TDRD3: variants seen among roughly 807,000 people sequenced by gnomAD.
TDRD3 encodes tudor domain-containing protein 3.
Under a neutral mutation model 86.7 loss-of-function variants are expected in TDRD3, and 45 were observed. The ratio of observed to expected loss-of-function variants is 0.52; its 90% CI spans 0.41 to 0.67. The LOEUF is 0.67. TDRD3 is among the 30% of genes least tolerant of loss of function. TDRD3 has a pLI of 0.00. For synonymous variants in TDRD3, 298 were observed against 301.7 expected, an observed-to-expected ratio of 0.99 and a Z score of 0.13; for missense variants, 814 against 889.0, an observed-to-expected ratio of 0.92 and a Z score of 1.07.
chr13:60,413,505 C>T (rs1172310965), intron 1 of TDRD3, among the ~76,000 whole-genome samples: 1 of 152,152 alleles, frequency 6.6e-6, no homozygotes. Context: ...ATTATACCTA[C>T]TTCATAGTAT....
At chr13:60,483,649 A>C in intron 5 of TDRD3, 126 bp from the exon 6 acceptor site, 5 of 744,630 alleles carry the variant, frequency 6.7e-6, no homozygotes, top group Non-Finnish European at 1.0e-5. Flanking sequence ...TACTTCATGG[A>C]AGGCCTTTTT....
chr13:60,475,622 C>T (rs891224193), intron 5 of TDRD3, among the ~76,000 whole-genome samples: 17 of 152,310 alleles, frequency 1.1e-4, no homozygotes, highest in African/African-American at 3.8e-4. Flanking sequence ...AATCTCCGAA[C>T]TGTTTTCCAC....
intron 3 of TDRD3, among the ~76,000 whole-genome samples, chr13:60,445,600 C>G (rs769554768): frequency 4.6e-5 from 7 of 152,156 alleles, no homozygotes; most frequent in Non-Finnish European, 7.3e-5. Context: ...CTCAAACAAC[C>G]TCTACTCCCA....
intron 10 of TDRD3, 38 bp downstream of exon 10, chr13:60,510,793 C>CT: frequency 1.5e-6 from 2 of 1,331,664 alleles, no homozygotes; most frequent in African/African-American, 1.6e-5. Context: ...TTTTTTCTTT[C>CT]TTTTCTTTCT....
chr13:60,490,572 A>ATAACCTCAGC (rs1282110444), intron 7 of TDRD3, among the ~76,000 whole-genome samples: 1 of 152,234 alleles, frequency 6.6e-6, no homozygotes, highest in African/African-American at 2.4e-5. Context: ...GAGCACAGCA[A>ATAACCTCAGC]TAACCTCAGC....
chr13:60,403,952 C>T (rs1954166666), intron 1 of TDRD3, among the ~76,000 whole-genome samples: 1 of 152,182 alleles, frequency 6.6e-6, no homozygotes, highest in African/African-American at 2.4e-5. Flanking sequence ...ATTTATACCT[C>T]CTGTACACAA....
chr13:60,523,168 A>C lies in TDRD3; in HGVS notation c.1142-5199A>C, dbSNP rs1215771831. ...CTTCAGGTAGGTGTATCAGAATAAA[A>C]TGAGGATTAGTCTTGGGAAACAAAT... is the stretch of plus-strand genomic sequence containing the variant. On this transcript the variant is annotated intron_variant, in intron 10 of 13. Transcript: ENST00000377881. Among the ~76,000 whole-genome samples the C allele has an allele frequency of 5.9e-5, 9 of 152,316 alleles. No individual in the cohort carries two copies. The South Asian group carries it at 8.3e-4, about 14-fold the overall frequency.
At chr13:60,546,121 G>T (rs1180505819) in intron 12 of TDRD3, among the ~76,000 whole-genome samples, 3 of 152,102 alleles carry the variant, frequency 2.0e-5, no homozygotes, top group African/African-American at 4.8e-5. Flanking sequence ...GACATACCTG[G>T]TTGATCTTTT....
chr13:60,561,604 A>T (rs1002227365), intron 12 of TDRD3, among the ~76,000 whole-genome samples: 3 of 152,154 alleles, frequency 2.0e-5, no homozygotes, highest in African/African-American at 7.2e-5. Context: ...AATAAATAAT[A>T]AAAAAATATA....
At chr13:60,475,932 G>A (rs1956177270) in intron 5 of TDRD3, among the ~76,000 whole-genome samples, 1 of 152,104 alleles carries the variant, frequency 6.6e-6, no homozygotes, top group Admixed American at 6.6e-5. Context: ...ATAGATTCGG[G>A]ATAGTAGACC....
chr13:60,561,237 T>G (rs1054296269), intron 12 of TDRD3, among the ~76,000 whole-genome samples: 1 of 152,152 alleles, frequency 6.6e-6, no homozygotes, highest in Non-Finnish European at 1.5e-5. Flanking sequence ...GACATTTAAT[T>G]TATAGGAGTC....
intron 1 of TDRD3, among the ~76,000 whole-genome samples, chr13:60,414,862 A>G (rs1377588256): frequency 3.3e-5 from 5 of 152,086 alleles, no homozygotes; most frequent in Non-Finnish European, 1.5e-5. Flanking sequence ...TGGATTCTGT[A>G]GAATACCTAG....
At chr13:60,518,238 C>G (rs903219922) in intron 10 of TDRD3, among the ~76,000 whole-genome samples, 4 of 152,124 alleles carry the variant, frequency 2.6e-5, no homozygotes, top group Non-Finnish European at 5.9e-5. Flanking sequence ...GTAAGTGCTC[C>G]CAGCCCTGGC....
intron 10 of TDRD3, among the ~76,000 whole-genome samples, chr13:60,527,497 CACAT>C (rs1226310741): frequency 1.3e-5 from 2 of 152,124 alleles, no homozygotes; most frequent in Admixed American, 1.3e-4. Flanking sequence ...GGAAACAAGA[CACAT>C]ACACCAAAGA....
intron 11 of TDRD3, among the ~76,000 whole-genome samples, chr13:60,529,721 G>C (rs940270450): frequency 6.6e-6 from 1 of 151,418 alleles, no homozygotes; most frequent in African/African-American, 2.4e-5. Context: ...ATTGCTTCTC[G>C]GCCTTTTGGC....
Position 60,450,945 on chromosome 13 carries a change from C to T in TDRD3, c.192+6197C>T, listed in dbSNP as rs111529814. Among the ~76,000 whole-genome samples, 77 of 152,122 alleles carry T rather than the reference C, an allele frequency of 5.1e-4. 1 individual carries two copies. The highest frequency in any genetic ancestry group is 1.7e-3 in the African/African-American group (70 of 41,516). On this transcript the variant is annotated intron_variant, in intron 3 of 13. Coordinates refer to ENST00000377881, the MANE Select transcript of TDRD3 (RefSeq NM_001146070.2). Reference sequence around the variant, plus strand: ...TTTAAAATCTTAGGTTATAGCTCTACGGTACATACACACATACACACACAG... The same window carrying T: ...TTTAAAATCTTAGGTTATAGCTCTATGGTACATACACACATACACACACAG...
At chr13:60,475,681 C>T (rs1284617580) in intron 5 of TDRD3, among the ~76,000 whole-genome samples, 1 of 152,162 alleles carries the variant, frequency 6.6e-6, no homozygotes, top group African/African-American at 2.4e-5. Context: ...GTGTATTTTC[C>T]TTTCTTGGCA....
intron 3 of TDRD3, among the ~76,000 whole-genome samples, chr13:60,448,969 A>AT: frequency 6.6e-6 from 1 of 152,148 alleles, no homozygotes; most frequent in South Asian, 2.1e-4. Flanking sequence ...TTCTGTGTTT[A>AT]TTTTTTCTAA....
intron 12 of TDRD3, among the ~76,000 whole-genome samples, chr13:60,546,997 A>G (rs1957954220): frequency 6.6e-6 from 1 of 152,196 alleles, no homozygotes; most frequent in Non-Finnish European, 1.5e-5. Context: ...AGATGTCTTA[A>G]TATTTTTAAT....
Sources: gnomAD v4.1 joint callset for allele counts (sites outside exome capture counted in the v4.1 genomes callset) on GRCh38, gnomAD v4.1.1 for gene constraint, MANE v1.5 for transcripts, NCBI Gene and HGNC (gene_info 2026-07-23, HGNC 2026-07-21) for gene names.